EPN2: variants seen among roughly 807,000 people sequenced by gnomAD.
EPN2 encodes the protein epsin 2.
In EPN2, 34 loss-of-function variants were observed where a neutral mutation model predicts 61.7. The ratio of observed to expected loss-of-function variants is 0.55; its 90% CI spans 0.42 to 0.73. The LOEUF (loss-of-function observed/expected upper bound fraction) is 0.73, where lower values mean the gene tolerates loss of function less well. EPN2 is among the 30% of genes least tolerant of loss of function. The pLI, the probability that EPN2 is intolerant of heterozygous loss-of-function variation, is 0.00. For missense variants in EPN2, 714 were observed against 839.2 expected, an observed-to-expected ratio of 0.85 and a Z score of 1.84; for synonymous variants, 349 against 353.6, an observed-to-expected ratio of 0.99 and a Z score of 0.15.
chr17:19,311,120 G>A (rs930148868), intron 5 of EPN2, among the ~76,000 whole-genome samples: 1 of 152,132 alleles, frequency 6.6e-6, no homozygotes, highest in Non-Finnish European at 1.5e-5. Context: ...AGTTCATCCC[G>A]GCATTGTTTG....
chr17:19,331,979 T>TG lies in EPN2; in HGVS notation c.1541dup (p.Asn516GlnfsTer37). 1 of 1,614,104 alleles carries TG rather than the reference T, an allele frequency of 6.2e-7. No homozygotes were observed. Among genetic ancestry groups the TG allele is most frequent in the South Asian group, 1.1e-5 (1 of 91,082 alleles). ...GCCCGGAAAACACCTGAGTCCTTCC[T>TG]GGGCCCCAACGCGGCCCTGGTGAAC... On this transcript the variant is annotated frameshift_variant, in exon 10 of 11. Transcript: ENST00000314728. LOFTEE classifies it high-confidence loss of function.
intron 1 of EPN2, chr17:19,257,944 C>T (rs952635969): frequency 6.6e-6 from 1 of 152,432 alleles, no homozygotes; most frequent in South Asian, 2.1e-4. Context: ...TCAGCTGCCC[C>T]CTGTGATTTG....
chr17:19,309,117 A>T (rs1905996577), intron 4 of EPN2, among the ~76,000 whole-genome samples: 1 of 151,394 alleles, frequency 6.6e-6, no homozygotes, highest in South Asian at 2.1e-4. Context: ...TCTCGTAGTA[A>T]CACTACGAGA....
chr17:19,311,451 A>C (rs1906134302), intron 5 of EPN2, among the ~76,000 whole-genome samples: 1 of 152,274 alleles, frequency 6.6e-6, no homozygotes, highest in African/African-American at 2.4e-5. Flanking sequence ...ATGAGACCCT[A>C]TCTCTTAAAA....
At chr17:19,295,824 C>T (rs750879624) in intron 4 of EPN2, among the ~76,000 whole-genome samples, 3 of 152,080 alleles carry the variant, frequency 2.0e-5, no homozygotes, top group Non-Finnish European at 2.9e-5. Flanking sequence ...CCCCAGGTGC[C>T]GCGGTGGCAC....
At chr17:19,242,407 A>G (rs2044894747) in intron 1 of EPN2, among the ~76,000 whole-genome samples, 1 of 152,202 alleles carries the variant, frequency 6.6e-6, no homozygotes, top group Non-Finnish European at 1.5e-5. Flanking sequence ...TGGGTGACAG[A>G]GCAAGACTCT....
chr17:19,288,081 C>G (rs965248392), intron 4 of EPN2, among the ~76,000 whole-genome samples: 4 of 152,212 alleles, frequency 2.6e-5, no homozygotes, highest in African/African-American at 7.2e-5. Flanking sequence ...GATGCCAGGC[C>G]CTGCAGGGCC....
chr17:19,265,378 GAAAAA>G (rs571952205), intron 1 of EPN2, among the ~76,000 whole-genome samples: 2 of 137,878 alleles, frequency 1.5e-5, no homozygotes, highest in Non-Finnish European at 3.2e-5. Context: ...CCTTTCTCAG[GAAAAA>G]AAAAAAAAAG....
At chr17:19,238,221 G>A (rs2044840492) in intron 1 of EPN2, among the ~76,000 whole-genome samples, 1 of 152,244 alleles carries the variant, frequency 6.6e-6, no homozygotes, top group Non-Finnish European at 1.5e-5. Context: ...CGGCCCGGCG[G>A]TCCTGCTCGG....
rs2045375977 is a variant in EPN2, at chr17:19,283,369, C to G, written c.250C>G (p.Leu84Val). 3 of 1,614,134 alleles carry G rather than the reference C, an allele frequency of 1.9e-6. No individual in the cohort carries two copies. Among genetic ancestry groups the G allele is most frequent in the East Asian group, 2.2e-5 (1 of 44,866 alleles). The change falls in exon 3 of 11, where the codon CTC (leucine) becomes GTC (valine). Residue 84 changes from leucine to valine, a missense_variant. Leu to Val is a conservative substitution (Grantham distance 32). Transcript: ENST00000314728. This position sits in a 1 kb window ranked among gnomAD's most constrained non-coding sequence, Gnocchi z 7.0. ...CAAGGCGCTGACCCTGCTGGACTAC[C>G]TCATCAAGACAGGCTCCGAACGTGT... ...VYKALTLLDY[L>V]IKTGSERVAQ...
rs1284054449 is a variant in EPN2, at chr17:19,336,509, CCT to C, written c.*2256_*2257del. On this transcript the variant is annotated 3_prime_UTR_variant, in exon 11 of 11. Transcript: ENST00000314728. ...GCACAGGCCATCCCGAGTGCATGTC[CCT>C]GTTGCCCACTGCACTGATCATGAAG... 6.6e-6 allele frequency: 1 copy of C among 152,644 alleles called. No individual in the cohort carries two copies. The highest frequency in any genetic ancestry group is 2.4e-5 in the African/African-American group (1 of 41,440). 9.5% of individuals were successfully genotyped at this position (152,644 alleles called of 1,614,324 possible). A position where few individuals can be genotyped will look rare whatever the true frequency, so the allele number is the denominator to read the frequency against.
At chr17:19,241,440 G>T (rs2152197394) in intron 1 of EPN2, among the ~76,000 whole-genome samples, 1 of 152,090 alleles carries the variant, frequency 6.6e-6, no homozygotes, top group South Asian at 2.1e-4. Context: ...ACAAAAATTA[G>T]CTGGGCGTGG....
chr17:19,334,148 CCT>C lies in EPN2; in HGVS notation c.1825_1826del (p.Leu609AspfsTer65). 6.2e-7 allele frequency: 1 copy of C among 1,604,912 alleles called. No homozygotes were observed. The highest frequency in any genetic ancestry group is 8.5e-7 in the Non-Finnish European group (1 of 1,175,362). ...CAGCCAGCTCTGGGGGCCACTGGTT[CCT>C]CTCTGACACCACTGGGCCCTGCAAT... On this transcript the variant is annotated frameshift_variant, in exon 11 of 11. Transcript: ENST00000314728. LOFTEE classifies it high-confidence loss of function. The surrounding 1 kb of genome is among the most constrained non-coding windows in gnomAD (Gnocchi z 4.9).
rs1205764449 is a variant in EPN2 at position 19,281,641 on chromosome 17, G to C, written c.-293-314G>C. 2.6e-5 allele frequency among the ~76,000 whole-genome samples: 4 copies of C among 152,272 alleles called. No individual in the cohort carries two copies. The East Asian group carries it at 7.7e-4, about 29-fold the overall frequency. The stretch of plus-strand genomic sequence containing the variant: ...AAAGGGAGGCGCAGGTTCTGGGCCT[G>C]GAGTGACCTTAGTCAGCTGACCGTG... On this transcript the variant is annotated intron_variant, in intron 1 of 10. Coordinates refer to ENST00000314728, the MANE Select transcript of EPN2 (RefSeq NM_014964.5).
At position 19,335,895 on chromosome 17, in the gene EPN2, A is replaced by G. The variant is rs886662784; in HGVS notation, c.*1641A>G. 1.3e-5 allele frequency: 2 copies of G among 153,924 alleles called. No individual in the cohort carries two copies. The highest frequency in any genetic ancestry group is 2.4e-5 in the African/African-American group (1 of 41,494). The allele number at this position is 153,924 out of a possible 1,614,324, so 9.5% of individuals were successfully genotyped here. A position where few individuals can be genotyped will look rare whatever the true frequency, so the allele number is the denominator to read the frequency against. ...TACCCAGGGAGGGGACATTCCCCCA[A>G]TCCTGTGTCTGGGCAGCTTGCCTGG... On this transcript the variant is annotated 3_prime_UTR_variant, in exon 11 of 11. Coordinates refer to ENST00000314728, the MANE Select transcript of EPN2 (RefSeq NM_014964.5).
intron 1 of EPN2, among the ~76,000 whole-genome samples, chr17:19,245,935 G>C (rs1305327416): frequency 6.6e-6 from 1 of 152,096 alleles, no homozygotes; most frequent in Non-Finnish European, 1.5e-5. Context: ...AAAGTGCTGG[G>C]ATTACAGGCG....
At chr17:19,259,047 G>A (rs1281191273) in intron 1 of EPN2, among the ~76,000 whole-genome samples, 1 of 152,198 alleles carries the variant, frequency 6.6e-6, no homozygotes, top group Non-Finnish European at 1.5e-5. Flanking sequence ...GAAAAAATCA[G>A]TTTATAATTT....
At chr17:19,317,810 G>GAGGA (rs1267058278) in intron 7 of EPN2, among the ~76,000 whole-genome samples, 1 of 152,206 alleles carries the variant, frequency 6.6e-6, no homozygotes, top group Non-Finnish European at 1.5e-5. Flanking sequence ...TCCATTCATA[G>GAGGA]AGGAGGAGCA....
intron 1 of EPN2, among the ~76,000 whole-genome samples, chr17:19,270,192 G>A (rs1393574711): frequency 6.6e-6 from 1 of 152,164 alleles, no homozygotes; most frequent in Non-Finnish European, 1.5e-5. Context: ...TGCCATCAGT[G>A]GACACATGTG....
Sources: gnomAD v4.1 joint callset for allele counts (sites outside exome capture counted in the v4.1 genomes callset) on GRCh38, gnomAD v4.1.1 for gene constraint, Gnocchi (gnomAD v3.1) non-coding constraint, MANE v1.5 for transcripts, NCBI Gene and HGNC (gene_info 2026-07-23, HGNC 2026-07-21) for gene names.